Variants in LINGO1 observed in about 807,000 individuals in gnomAD.
LINGO1 encodes leucine rich repeat and Ig domain containing 1.
A neutral mutation model predicts 37.3 loss-of-function variants in LINGO1; 11 were observed. The observed-to-expected ratio is 0.29, with a 90% CI of 0.19 to 0.49. LINGO1 has a LOEUF of 0.49. Among genes scored for constraint, LINGO1 ranks in the 20% least tolerant of loss-of-function variants. The probability of loss-of-function intolerance (pLI) is 0.99; values close to 1 mark genes in which losing one functional copy is unlikely to be tolerated. For synonymous variants in LINGO1, 387 were observed against 403.0 expected, an observed-to-expected ratio of 0.96 and a Z score of 0.48; for missense variants, 585 against 878.2, an observed-to-expected ratio of 0.67 and a Z score of 4.22.
At chr15:77,665,000 G>A (rs965217843) in intron 3 of LINGO1, among the ~76,000 whole-genome samples, 4 of 152,184 alleles carry the variant, frequency 2.6e-5, no homozygotes, top group African/African-American at 9.7e-5. Context: ...TTGTACACAC[G>A]TGTGCCTGAG....
chr15:77,807,417 G>A (rs1393423200), intron 1 of LINGO1, among the ~76,000 whole-genome samples: 1 of 152,176 alleles, frequency 6.6e-6, no homozygotes, highest in Non-Finnish European at 1.5e-5. Context: ...TTATGTGTCA[G>A]GCTCTGTCCC....
intron 2 of LINGO1, among the ~76,000 whole-genome samples, chr15:77,715,403 G>A (rs1395792220): frequency 6.6e-5 from 10 of 152,196 alleles, no homozygotes; most frequent in African/African-American, 2.2e-4. Flanking sequence ...GTCATTAACT[G>A]TCCTGAGAGG....
At chr15:77,741,441 G>C (rs376002455) in intron 1 of LINGO1, among the ~76,000 whole-genome samples, 27 of 152,288 alleles carry the variant, frequency 1.8e-4, no homozygotes, top group African/African-American at 4.8e-4. Flanking sequence ...GCCACCTTTA[G>C]AGGATACAGC....
chr15:77,781,609 G>A (rs1349415779), intron 1 of LINGO1, among the ~76,000 whole-genome samples: 1 of 152,214 alleles, frequency 6.6e-6, no homozygotes, highest in Admixed American at 6.5e-5. Context: ...TGCCTCAGAA[G>A]GAAGCAGCTC....
At chr15:77,774,542 C>G (rs1267349179) in intron 1 of LINGO1, among the ~76,000 whole-genome samples, 1 of 152,142 alleles carries the variant, frequency 6.6e-6, no homozygotes, top group Non-Finnish European at 1.5e-5. Flanking sequence ...GCTGCCCACA[C>G]TTAGTGCACA....
chr15:77,734,432 C>G (rs2076183164), intron 2 of LINGO1, among the ~76,000 whole-genome samples: 2 of 152,034 alleles, frequency 1.3e-5, no homozygotes, highest in Non-Finnish European at 1.5e-5. Context: ...TTGGGGGCTA[C>G]TGGGGTCAGC....
intron 1 of LINGO1, among the ~76,000 whole-genome samples, chr15:77,782,235 A>T (rs1476260809): frequency 6.6e-6 from 1 of 151,916 alleles, no homozygotes; most frequent in African/African-American, 2.4e-5. Flanking sequence ...ACACACACAC[A>T]CACACACACA....
Position 77,657,708 on chromosome 15 carries a change from T to A in LINGO1, c.-13+19381A>T, listed in dbSNP as rs74025354. Among the ~76,000 whole-genome samples the A allele has an allele frequency of 8.8e-3, 1,334 of 151,882 alleles. 17 individuals carry two copies. Among genetic ancestry groups the A allele is most frequent in the African/African-American group, 0.031 (1,271 of 41,382 alleles). The stretch of plus-strand genomic sequence containing the variant: ...GGGCCCAAGCTGCTTCCTCTGAGGA[T>A]CTCTCCCCCTCAACTGAAGGAAGGA... On this transcript the variant is annotated intron_variant, in intron 3 of 3. Coordinates refer to the LINGO1 transcript ENST00000559893.
chr15:77,793,659 G>T (rs1353097904), intron 2 of LINGO1, among the ~76,000 whole-genome samples: 1 of 152,174 alleles, frequency 6.6e-6, no homozygotes, highest in Non-Finnish European at 1.5e-5. Flanking sequence ...CAGAGAATTG[G>T]CTAAACGCAC....
intron 2 of LINGO1, among the ~76,000 whole-genome samples, chr15:77,687,906 G>T (rs564860912): frequency 1.1e-4 from 17 of 152,326 alleles, no homozygotes; most frequent in African/African-American, 3.8e-4. Context: ...CCTTTGGAAG[G>T]CAGAGTGGGC....
At chr15:77,704,616 A>T (rs1729083526) in intron 2 of LINGO1, among the ~76,000 whole-genome samples, 2 of 142,780 alleles carry the variant, frequency 1.4e-5, no homozygotes, top group African/African-American at 5.4e-5. Flanking sequence ...CCTGGTCACA[A>T]GCTGAGCTCT....
At chr15:77,794,854 CA>C (rs1033420812) in intron 2 of LINGO1, among the ~76,000 whole-genome samples, 2 of 151,940 alleles carry the variant, frequency 1.3e-5, no homozygotes, top group Non-Finnish European at 2.9e-5. Flanking sequence ...CTTCCCAAAG[CA>C]GAAATATTTT....
intron 2 of LINGO1, among the ~76,000 whole-genome samples, chr15:77,727,488 T>C (rs899272897): frequency 6.6e-6 from 1 of 152,208 alleles, no homozygotes; most frequent in African/African-American, 2.4e-5. Flanking sequence ...ATAAGTCAGT[T>C]ACAAAAAGAC....
intron 1 of LINGO1, among the ~76,000 whole-genome samples, chr15:77,806,582 G>A (rs570070670): frequency 2.6e-5 from 4 of 152,248 alleles, no homozygotes; most frequent in South Asian, 2.1e-4. Flanking sequence ...GGTCAGAGGT[G>A]AGTGGGCTTT....
intron 1 of LINGO1, among the ~76,000 whole-genome samples, chr15:77,762,511 A>G (rs575921998): frequency 8.2e-4 from 125 of 152,224 alleles, no homozygotes; most frequent in Middle Eastern, 3.4e-3. Flanking sequence ...ATACCTGCCC[A>G]AGGCCACTTG....
chr15:77,814,235 G>GC (rs2077030704), intron 1 of LINGO1, among the ~76,000 whole-genome samples: 1 of 152,156 alleles, frequency 6.6e-6, no homozygotes, highest in Non-Finnish European at 1.5e-5. Context: ...AGTTTGGAAA[G>GC]CCTCACTGTG....
At chr15:77,618,937 A>G (rs2073832813) in intron 1 of LINGO1, among the ~76,000 whole-genome samples, 1 of 149,796 alleles carries the variant, frequency 6.7e-6, no homozygotes, top group Non-Finnish European at 1.5e-5. Context: ...GGTATATAGC[A>G]CACCTCATTC....
At chr15:77,817,172 G>A (rs774614906) in intron 1 of LINGO1, among the ~76,000 whole-genome samples, 6 of 152,150 alleles carry the variant, frequency 3.9e-5, no homozygotes, top group Admixed American at 2.0e-4. Flanking sequence ...CTCTTACCCC[G>A]AAGGCCCTGG....
intron 3 of LINGO1, among the ~76,000 whole-genome samples, chr15:77,653,338 C>A (rs1389150097): frequency 6.6e-6 from 1 of 152,220 alleles, no homozygotes; most frequent in African/African-American, 2.4e-5. Flanking sequence ...GACTCTAGGG[C>A]AGACCTGTGG....
Sources: allele counts gnomAD v4.1 joint callset (sites outside exome capture counted in the v4.1 genomes callset), GRCh38; gene constraint gnomAD v4.1.1; transcripts MANE v1.5; gene names NCBI Gene and HGNC (gene_info 2026-07-23, HGNC 2026-07-21).